The following FAT3 variants were observed in gnomAD, a reference collection of about 807,000 sequenced individuals.
FAT3 encodes FAT atypical cadherin 3, also known as protocadherin Fat 3.
Under a neutral mutation model 310.2 loss-of-function variants are expected in FAT3, and 95 were observed. That is an observed-to-expected ratio of 0.31 (90% CI 0.26 to 0.36). The LOEUF (loss-of-function observed/expected upper bound fraction) is 0.36, where lower values mean the gene tolerates loss of function less well. Among genes scored for constraint, FAT3 ranks in the 10% least tolerant of loss-of-function variants. The pLI, the probability that FAT3 is intolerant of heterozygous loss-of-function variation, is 1.00. For missense variants in FAT3, 5,408 were observed against 5,715.6 expected (o/e 0.95, Z 1.74); for synonymous variants, 2,314 against 2,192.9 (o/e 1.06, Z -1.54).
intron 2 of FAT3, among the ~76,000 whole-genome samples, chr11:92,512,460 ACTTT>A (rs1953325135): frequency 6.7e-6 from 1 of 149,430 alleles, no homozygotes; most frequent in Non-Finnish European, 1.5e-5. Flanking sequence ...AGCAAAGGGG[ACTTT>A]CTTATCATGC....
At chr11:92,308,207 C>T (rs1225057064) in intron 1 of FAT3, among the ~76,000 whole-genome samples, 4 of 152,126 alleles carry the variant, frequency 2.6e-5, no homozygotes, top group African/African-American at 9.7e-5. Context: ...TTATTGCCAT[C>T]TCTTTCTTTC....
chr11:92,424,128 C>T (rs1369116561), intron 2 of FAT3, among the ~76,000 whole-genome samples: 1 of 152,042 alleles, frequency 6.6e-6, no homozygotes, highest in Non-Finnish European at 1.5e-5. Context: ...TTTGCTGAAG[C>T]TGACCCATTC....
chr11:92,728,578 C>A (rs550864429), intron 4 of FAT3, among the ~76,000 whole-genome samples: 5 of 152,148 alleles, frequency 3.3e-5, no homozygotes, highest in African/African-American at 4.8e-5. Flanking sequence ...AACAAATTAC[C>A]ACAAGCTTGT....
At chr11:92,366,773 G>T in intron 2 of FAT3, 1 of 531,858 alleles carries the variant, frequency 1.9e-6, no homozygotes, top group South Asian at 1.4e-5. Flanking sequence ...AGCTCTGGTG[G>T]TAGTGTCCTT....
intron 3 of FAT3, among the ~76,000 whole-genome samples, chr11:92,573,523 G>T (rs538993153): frequency 6.6e-6 from 1 of 152,264 alleles, no homozygotes; most frequent in Non-Finnish European, 1.5e-5. Flanking sequence ...TGGAATTAGG[G>T]TCTTTGCAGA....
intron 2 of FAT3, among the ~76,000 whole-genome samples, chr11:92,427,931 T>C (rs529726263): frequency 6.6e-6 from 1 of 152,274 alleles, no homozygotes; most frequent in African/African-American, 2.4e-5. Flanking sequence ...TGGAATAGTT[T>C]TAGAAGGAAT....
At position 92,398,772 on chromosome 11, in the gene FAT3, A is replaced by G. The variant is rs562968814; in HGVS notation, c.3292+43368A>G. 1.3e-4 allele frequency among the ~76,000 whole-genome samples: 20 copies of G among 152,252 alleles called. No homozygotes were observed. The East Asian group carries it at 3.1e-3, about 24-fold the overall frequency. ...GTTCTGTTCTGTTCTAGTTTATTCT[A>G]TTCCATTCCATTATTTTGTTTAGAC... On this transcript the variant is annotated intron_variant, in intron 2 of 27. Transcript: ENST00000525166.
At chr11:92,865,327 AC>A (rs1325483075) in intron 21 of FAT3, among the ~76,000 whole-genome samples, 1 of 152,174 alleles carries the variant, frequency 6.6e-6, no homozygotes, top group African/African-American at 2.4e-5. Flanking sequence ...TGAGTTAAAC[AC>A]GTTTCACAAG....
chr11:92,309,418 A>T (rs1161105882), intron 1 of FAT3, among the ~76,000 whole-genome samples: 3 of 136,556 alleles, frequency 2.2e-5, no homozygotes, highest in South Asian at 4.8e-4. Flanking sequence ...ACACACACAC[A>T]CTTTTCTCCT....
At chr11:92,226,863 C>A (rs1222650560) in intron 1 of FAT3, among the ~76,000 whole-genome samples, 1 of 152,142 alleles carries the variant, frequency 6.6e-6, no homozygotes, top group Non-Finnish European at 1.5e-5. Flanking sequence ...ACGCTGGGAC[C>A]GCGGTAATGA....
intron 1 of FAT3, among the ~76,000 whole-genome samples, chr11:92,225,929 A>C (rs1255935808): frequency 1.3e-5 from 2 of 151,568 alleles, no homozygotes; most frequent in Non-Finnish European, 2.9e-5. Flanking sequence ...GCGTGTGGGA[A>C]GGCTGCTTGT....
chr11:92,490,347 A>G (rs146508924), intron 2 of FAT3, among the ~76,000 whole-genome samples: 366 of 152,198 alleles, frequency 2.4e-3, no homozygotes, highest in African/African-American at 8.3e-3. Context: ...TACAGTGTTC[A>G]CTGGAAAGAG....
chr11:92,330,991 TGTGTGTGTGTGTGAGA>T (rs1565231515), intron 1 of FAT3, among the ~76,000 whole-genome samples: 2 of 121,756 alleles, frequency 1.6e-5, no homozygotes, highest in African/African-American at 1.0e-4. Context: ...TGTGTGTGTG[TGTGTGTGTGTGTGAGA>T]GAGAGAGAGA....
intron 3 of FAT3, among the ~76,000 whole-genome samples, chr11:92,644,060 G>A (rs1942057504): frequency 1.3e-5 from 2 of 152,218 alleles, no homozygotes. Flanking sequence ...TCAATGCCTG[G>A]GTGCCTCTGC....
At chr11:92,489,716 T>G (rs1173521695) in intron 2 of FAT3, among the ~76,000 whole-genome samples, 11 of 152,168 alleles carry the variant, frequency 7.2e-5, no homozygotes, top group Non-Finnish European at 2.9e-5. Flanking sequence ...CTATATTAGT[T>G]CCTCTCTGAG....
At chr11:92,638,485 T>C (rs990353736) in intron 3 of FAT3, among the ~76,000 whole-genome samples, 1 of 152,332 alleles carries the variant, frequency 6.6e-6, no homozygotes, top group South Asian at 2.1e-4. Context: ...ATAAGCTGTA[T>C]TGTGAATTTG....
chr11:92,333,583 T>C (rs1177546146), intron 1 of FAT3, among the ~76,000 whole-genome samples: 1 of 152,208 alleles, frequency 6.6e-6, no homozygotes, highest in Non-Finnish European at 1.5e-5. Context: ...AATTTGAAGC[T>C]GCAAGTCCTG....
intron 3 of FAT3, among the ~76,000 whole-genome samples, chr11:92,543,276 A>C (rs1264733639): frequency 6.6e-6 from 1 of 152,304 alleles, no homozygotes; most frequent in East Asian, 1.9e-4. Context: ...CATTGGGGTG[A>C]CTTTGGTTGC....
chr11:92,411,845 G>T (rs1212067409), intron 2 of FAT3, among the ~76,000 whole-genome samples: 1 of 151,598 alleles, frequency 6.6e-6, no homozygotes, highest in Non-Finnish European at 1.5e-5. Flanking sequence ...ATCATATTTT[G>T]TATAATAGCC....
Sources: allele counts gnomAD v4.1 joint callset (sites outside exome capture counted in the v4.1 genomes callset), GRCh38; gene constraint gnomAD v4.1.1; transcripts MANE v1.5; gene names NCBI Gene and HGNC (gene_info 2026-07-23, HGNC 2026-07-21).